VEZT: variants seen among roughly 807,000 people sequenced by gnomAD.
VEZT encodes vezatin.
A neutral mutation model predicts 79.9 loss-of-function variants in VEZT; 39 were observed. That is an observed-to-expected ratio of 0.49 (90% CI 0.38 to 0.64). The LOEUF is 0.64. VEZT is among the 30% of genes least tolerant of loss of function. The probability of loss-of-function intolerance (pLI) is 0.00; values close to 1 mark genes in which losing one functional copy is unlikely to be tolerated. For synonymous variants in VEZT, 325 were observed against 327.6 expected (o/e 0.99, Z 0.09); for missense variants, 837 against 893.1 (o/e 0.94, Z 0.80).
intron 3 of VEZT, chr12:95,262,276 G>T (rs1376385843): frequency 6.6e-6 from 1 of 152,130 alleles, no homozygotes; most frequent in Non-Finnish European, 1.5e-5. Flanking sequence ...ATAGAGACTT[G>T]TATATCTTTT....
intron 2 of VEZT, among the ~76,000 whole-genome samples, chr12:95,254,553 G>T (rs2063164311): frequency 1.3e-5 from 2 of 151,632 alleles, no homozygotes; most frequent in South Asian, 2.1e-4. Context: ...TACCTTGTTG[G>T]CCAGGCTGGT....
At chr12:95,226,474 T>C (rs2058511998) in intron 1 of VEZT, among the ~76,000 whole-genome samples, 1 of 152,158 alleles carries the variant, frequency 6.6e-6, no homozygotes, top group South Asian at 2.1e-4. Context: ...GTCATTCATG[T>C]ATTGAGACTT....
chr12:95,249,480 G>C (rs930586685), intron 1 of VEZT, among the ~76,000 whole-genome samples: 15 of 152,072 alleles, frequency 9.9e-5, no homozygotes, highest in African/African-American at 3.6e-4. Context: ...CATTTGTGCT[G>C]CCAGAAATTT....
At chr12:95,282,720 T>C (rs1173096199) in intron 8 of VEZT, 76 bp downstream of exon 8, 1 of 1,306,950 alleles carries the variant, frequency 7.7e-7, no homozygotes, top group Non-Finnish European at 1.0e-6. Flanking sequence ...GGTTGTTGGC[T>C]TGTGTCCTAC....
At chr12:95,278,334 A>G (rs2068223277) in intron 7 of VEZT, among the ~76,000 whole-genome samples, 1 of 152,224 alleles carries the variant, frequency 6.6e-6, no homozygotes, top group South Asian at 2.1e-4. Flanking sequence ...AGTGTTTTAC[A>G]AATCAAACTA....
At chr12:95,234,525 C>G (rs1386474926) in intron 1 of VEZT, among the ~76,000 whole-genome samples, 4 of 151,990 alleles carry the variant, frequency 2.6e-5, no homozygotes, top group African/African-American at 7.2e-5. Context: ...GAACACCTAA[C>G]CCCAGGTGAT....
intron 6 of VEZT, among the ~76,000 whole-genome samples, chr12:95,273,067 T>C (rs17023875): frequency 0.11 from 16,781 of 152,174 alleles, 1,339 homozygotes; most frequent in African/African-American, 0.23. Flanking sequence ...TCTGCAAAAC[T>C]GACCTAGGAA....
intron 8 of VEZT, among the ~76,000 whole-genome samples, 169 bp from the exon 9 acceptor site, chr12:95,287,495 G>GT (rs1196081105): frequency 1.3e-5 from 2 of 152,034 alleles, no homozygotes; most frequent in African/African-American, 4.8e-5. Context: ...TGAAAAAGGG[G>GT]TTTCACCATG....
chr12:95,290,175 T>A (rs1013371011), intron 9 of VEZT, among the ~76,000 whole-genome samples: 2 of 152,216 alleles, frequency 1.3e-5, no homozygotes, highest in African/African-American at 4.8e-5. Context: ...TGCTCTTTAT[T>A]CTCCTTTTCC....
At chr12:95,288,932 GC>G (rs1353684361) in intron 9 of VEZT, among the ~76,000 whole-genome samples, 2 of 151,734 alleles carry the variant, frequency 1.3e-5, no homozygotes, top group East Asian at 3.9e-4. Flanking sequence ...ATGCATCCTG[GC>G]CAGGCACGGT....
chr12:95,271,598 T>C (rs564105085), intron 6 of VEZT, among the ~76,000 whole-genome samples: 1 of 152,286 alleles, frequency 6.6e-6, no homozygotes, highest in South Asian at 2.1e-4. Context: ...GATATGACAG[T>C]GTGGCATGTG....
chr12:95,250,541 G>A (rs534243143), intron 1 of VEZT, among the ~76,000 whole-genome samples: 1 of 151,942 alleles, frequency 6.6e-6, no homozygotes, highest in East Asian at 1.9e-4. Flanking sequence ...GACCTCAGAT[G>A]ATCTGCCTGC....
intron 5 of VEZT, among the ~76,000 whole-genome samples, chr12:95,268,137 A>T (rs554576097): frequency 6.6e-6 from 1 of 152,166 alleles, no homozygotes; most frequent in Non-Finnish European, 1.5e-5. Context: ...GACTTAAAGG[A>T]TAGCACGTTT....
chr12:95,251,114 G>A (rs777138753), intron 1 of VEZT, among the ~76,000 whole-genome samples: 35 of 152,148 alleles, frequency 2.3e-4, no homozygotes, highest in Middle Eastern at 3.4e-3. Context: ...GGGTTCAAGC[G>A]ATTCTCCTGC....
At chr12:95,253,368 A>AT (rs2062924852) in intron 2 of VEZT, among the ~76,000 whole-genome samples, 1 of 152,196 alleles carries the variant, frequency 6.6e-6, no homozygotes, top group Non-Finnish European at 1.5e-5. Flanking sequence ...TAGTCTAGTA[A>AT]ACACTAGAGA....
chr12:95,269,970 A>C, intron 5 of VEZT, 81 bp from the exon 6 acceptor site: 1 of 1,480,390 alleles, frequency 6.8e-7, no homozygotes, highest in Non-Finnish European at 9.1e-7. Context: ...TACATTTAAT[A>C]GAATTGTGGA....
chr12:95,264,028 A>C (rs553359058), intron 4 of VEZT, among the ~76,000 whole-genome samples: 74 of 152,328 alleles, frequency 4.9e-4, no homozygotes, highest in African/African-American at 1.7e-3. Flanking sequence ...ATTAAATTTG[A>C]CATAGAAGGG....
intron 1 of VEZT, among the ~76,000 whole-genome samples, chr12:95,245,278 T>G (rs2061569930): frequency 6.6e-6 from 1 of 151,714 alleles, no homozygotes; most frequent in African/African-American, 2.4e-5. Flanking sequence ...TTTCTCAGAG[T>G]GTCGTGAGTT....
intron 1 of VEZT, among the ~76,000 whole-genome samples, chr12:95,225,761 C>CA (rs531470163): frequency 0.011 from 468 of 40,844 alleles, 42 homozygotes; most frequent in East Asian, 0.023. Context: ...TGTTTCATAG[C>CA]AAAAAAAAAA....
Sources: allele counts gnomAD v4.1 joint callset (sites outside exome capture counted in the v4.1 genomes callset), GRCh38; gene constraint gnomAD v4.1.1; transcripts MANE v1.5; gene names NCBI Gene and HGNC (gene_info 2026-07-23, HGNC 2026-07-21).